Variants in CA13 observed in about 807,000 individuals in gnomAD.
CA13 encodes the protein CA-XIII.
Under a neutral mutation model 31.5 loss-of-function variants are expected in CA13, and 21 were observed. The observed-to-expected ratio is 0.67, with a 90% CI of 0.47 to 0.96. CA13 has a LOEUF of 0.96. Ranked by LOEUF, CA13 falls within the 40% of genes least tolerant of loss-of-function variation. CA13 has a pLI of 0.00. For synonymous variants in CA13, 117 were observed against 111.4 expected, an observed-to-expected ratio of 1.05 and a Z score of -0.32; for missense variants, 315 against 318.9, an observed-to-expected ratio of 0.99 and a Z score of 0.09.
intron 2 of CA13, among the ~76,000 whole-genome samples, chr8:85,257,961 C>T (rs1301710248): frequency 1.4e-5 from 2 of 147,646 alleles, no homozygotes; most frequent in Non-Finnish European, 3.0e-5. Context: ...TCTCTGTATA[C>T]AGATATTAAA....
At chr8:85,269,476 T>TA (rs1400903451) in intron 6 of CA13, among the ~76,000 whole-genome samples, 1 of 152,156 alleles carries the variant, frequency 6.6e-6, no homozygotes, top group East Asian at 1.9e-4. Context: ...GGATCTCATT[T>TA]AAGTGTTCTT....
chr8:85,248,127 C>T (rs1813762304), intron 1 of CA13, among the ~76,000 whole-genome samples: 1 of 152,060 alleles, frequency 6.6e-6, no homozygotes. Flanking sequence ...TTTAAAAGTT[C>T]CTAAATCAGT....
chr8:85,264,555 C>T (rs1587540498), intron 3 of CA13, among the ~76,000 whole-genome samples: 1 of 152,110 alleles, frequency 6.6e-6, no homozygotes, highest in Non-Finnish European at 1.5e-5. Flanking sequence ...AAAATATTTT[C>T]TTGGCCTAGT....
Position 85,266,603 on chromosome 8 carries a change from T to C in CA13, c.355-5T>C. 1 of 1,610,916 alleles carries C rather than the reference T, an allele frequency of 6.2e-7. No homozygotes were observed. Among genetic ancestry groups the C allele is most frequent in the Non-Finnish European group, 8.5e-7 (1 of 1,177,676 alleles). On this transcript the variant is annotated splice_region_variant and splice_polypyrimidine_tract_variant and intron_variant, in intron 3 of 6. Transcript: ENST00000321764. ...TTCCTACTATGTTGTATATCTCCCT[T>C]TCAGCTCCATGTTGTTCACTGGAAT...
intron 2 of CA13, among the ~76,000 whole-genome samples, chr8:85,252,036 T>C (rs887038731): frequency 6.6e-6 from 1 of 152,140 alleles, no homozygotes; most frequent in African/African-American, 2.4e-5. Flanking sequence ...GGTGGGAGGA[T>C]TGCTTATGTC....
At chr8:85,246,596 A>T in intron 1 of CA13, 1 of 440,498 alleles carries the variant, frequency 2.3e-6, no homozygotes, top group Non-Finnish European at 4.6e-6. Flanking sequence ...TAATAGGATA[A>T]ATAATAATGA....
Position 85,269,981 on chromosome 8 carries a change from C to T in CA13, c.669+1354C>T, listed in dbSNP as rs147825770. On this transcript the variant is annotated intron_variant, in intron 6 of 6. Coordinates refer to ENST00000321764, the MANE Select transcript of CA13 (RefSeq NM_198584.3). ...TAAATGATCCTCCTGCTTCGGCCTC[C>T]CAAAGTGCTAGGATTACAGGCATGA... is the stretch of plus-strand genomic sequence containing the variant. 3.5e-3 allele frequency among the ~76,000 whole-genome samples: 530 copies of T among 152,290 alleles called. 3 individuals are homozygous for T. The highest frequency in any genetic ancestry group is 0.012 in the African/African-American group (504 of 41,552).
intron 3 of CA13, among the ~76,000 whole-genome samples, chr8:85,263,217 A>G (rs1224635993): frequency 2.0e-5 from 3 of 152,092 alleles, no homozygotes; most frequent in Non-Finnish European, 4.4e-5. Flanking sequence ...GAGAAAGGAA[A>G]AGTTATGTGC....
At chr8:85,252,255 C>CAAAAAAAAAAAAAAAAAAAAAAAAA (rs1177337198) in intron 2 of CA13, among the ~76,000 whole-genome samples, 1 of 151,584 alleles carries the variant, frequency 6.6e-6, no homozygotes, top group Non-Finnish European at 1.5e-5. Flanking sequence ...GATCCTGTCT[C>CAAAAAAAAAAAAAAAAAAAAAAAAA]AAAAGATAAA....
chr8:85,274,571 G>A (rs909516965), intron 6 of CA13, among the ~76,000 whole-genome samples: 1 of 152,160 alleles, frequency 6.6e-6, no homozygotes, highest in African/African-American at 2.4e-5. Flanking sequence ...AGCAATTAGC[G>A]ATATTAAACT....
At chr8:85,250,249 A>G (rs1813803357) in intron 1 of CA13, among the ~76,000 whole-genome samples, 1 of 152,200 alleles carries the variant, frequency 6.6e-6, no homozygotes, top group Admixed American at 6.5e-5. Flanking sequence ...ACTAGACGAT[A>G]GCATTGAGTG....
chr8:85,276,187 G>C (rs1294774710), intron 6 of CA13, among the ~76,000 whole-genome samples: 5 of 152,324 alleles, frequency 3.3e-5, no homozygotes, highest in African/African-American at 7.2e-5. Context: ...ACCCCGGGCA[G>C]TTAGGGGCTT....
At chr8:85,254,270 T>A (rs1300329257) in intron 2 of CA13, among the ~76,000 whole-genome samples, 1 of 103,250 alleles carries the variant, frequency 9.7e-6, no homozygotes, top group Non-Finnish European at 2.1e-5. Flanking sequence ...AGAGCAAGAT[T>A]CCATCTCAAA....
intron 2 of CA13, among the ~76,000 whole-genome samples, chr8:85,253,780 G>A (rs550796219): frequency 6.6e-6 from 1 of 152,236 alleles, no homozygotes; most frequent in East Asian, 1.9e-4. Flanking sequence ...GGGGAAGGAG[G>A]ATGATTAGTT....
In CA13 at chr8:85,245,634, G is replaced by T; in HGVS notation, c.-195G>T. ...CGCCCCAGGAGTCAGCCAGCGGCGC[G>T]GGCGCCTTCCCCGCACGCCTCTGCC... On this transcript the variant is annotated 5_prime_UTR_variant, in exon 1 of 7. Transcript: ENST00000321764. The T allele has an allele frequency of 1.6e-6, 1 of 608,032 alleles. No homozygotes were observed. The highest frequency in any genetic ancestry group is 1.9e-5 in the South Asian group (1 of 52,238). The allele number at this position is 608,032 out of a possible 1,614,324, so 37.7% of individuals were successfully genotyped here.
chr8:85,254,842 C>G (rs997791704), intron 2 of CA13, among the ~76,000 whole-genome samples: 4 of 115,334 alleles, frequency 3.5e-5, no homozygotes, highest in Non-Finnish European at 6.9e-5. Context: ...AAGATACTTT[C>G]TGTAGCAAAC....
intron 6 of CA13, among the ~76,000 whole-genome samples, chr8:85,270,276 G>A (rs945082590): frequency 6.6e-6 from 1 of 152,134 alleles, no homozygotes; most frequent in Non-Finnish European, 1.5e-5. Flanking sequence ...TGATACCAGA[G>A]CTGGCCCACC....
intron 2 of CA13, among the ~76,000 whole-genome samples, chr8:85,255,066 G>A (rs1807270825): frequency 6.6e-6 from 1 of 151,818 alleles, no homozygotes; most frequent in South Asian, 2.1e-4. Context: ...GTAAAAGGGA[G>A]GAGGTGGATG....
At chr8:85,260,271 A>G (rs1036743327) in intron 3 of CA13, among the ~76,000 whole-genome samples, 1 of 152,206 alleles carries the variant, frequency 6.6e-6, no homozygotes, top group African/African-American at 2.4e-5. Flanking sequence ...ATAAGCTTCA[A>G]GTTTAATATG....
Sources: gnomAD v4.1 joint callset for allele counts (sites outside exome capture counted in the v4.1 genomes callset) on GRCh38, gnomAD v4.1.1 for gene constraint, MANE v1.5 for transcripts, NCBI Gene and HGNC (gene_info 2026-07-23, HGNC 2026-07-21) for gene names.